FBXO31: variants seen among roughly 807,000 people sequenced by gnomAD.
The protein encoded by FBXO31 is F-box only protein 31.
Under a neutral mutation model 54.4 loss-of-function variants are expected in FBXO31, and 24 were observed. The observed-to-expected ratio is 0.44, with a 90% CI of 0.32 to 0.62. The LOEUF (loss-of-function observed/expected upper bound fraction) is 0.62, where lower values mean the gene tolerates loss of function less well. Among genes scored for constraint, FBXO31 ranks in the 20% least tolerant of loss-of-function variants. The pLI, the probability that FBXO31 is intolerant of heterozygous loss-of-function variation, is 0.05. For synonymous variants in FBXO31, 388 were observed against 335.6 expected (o/e 1.16, Z -1.71); for missense variants, 665 against 787.1 (o/e 0.84, Z 1.86).
At chr16:87,351,737 C>G (rs1365584591) in intron 2 of FBXO31, among the ~76,000 whole-genome samples, 2 of 152,154 alleles carry the variant, frequency 1.3e-5, no homozygotes, top group African/African-American at 4.8e-5. Flanking sequence ...GACATCGTGG[C>G]GTACGCCTAT....
chr16:87,347,389 C>T (rs1473926405), intron 2 of FBXO31, 139 bp from the exon 3 acceptor site: 2 of 735,172 alleles, frequency 2.7e-6, no homozygotes, highest in East Asian at 2.6e-5. Flanking sequence ...GCACACCAAG[C>T]CTCTAAAGAT....
chr16:87,361,474 G>C (rs190779976), intron 1 of FBXO31, among the ~76,000 whole-genome samples: 1 of 152,170 alleles, frequency 6.6e-6, no homozygotes, highest in East Asian at 1.9e-4. Flanking sequence ...CTGTGCAGGC[G>C]TGAGAGCCTG....
intron 8 of FBXO31, among the ~76,000 whole-genome samples, chr16:87,332,569 T>TA (rs1834326588): frequency 6.6e-6 from 1 of 152,076 alleles, no homozygotes; most frequent in Admixed American, 6.5e-5. Context: ...CCTCTCTCTG[T>TA]AAACCCCCCA....
At chr16:87,377,512 CAA>C (rs1459865687) in intron 1 of FBXO31, among the ~76,000 whole-genome samples, 1 of 152,066 alleles carries the variant, frequency 6.6e-6, no homozygotes, top group African/African-American at 2.4e-5. Context: ...TGACTATAGA[CAA>C]TGAGAAAATG....
At chr16:87,364,868 A>C (rs188764543) in intron 1 of FBXO31, among the ~76,000 whole-genome samples, 1 of 150,774 alleles carries the variant, frequency 6.6e-6, no homozygotes, top group Admixed American at 6.6e-5. Flanking sequence ...CAAAGAATAC[A>C]ATAATTAGCC....
chr16:87,369,238 C>T (rs890126699), intron 1 of FBXO31, among the ~76,000 whole-genome samples: 3 of 152,024 alleles, frequency 2.0e-5, no homozygotes, highest in Non-Finnish European at 2.9e-5. Context: ...GTACGGCTCA[C>T]GGGGACTCAG....
At chr16:87,361,119 A>G (rs1906113678) in intron 1 of FBXO31, among the ~76,000 whole-genome samples, 1 of 152,204 alleles carries the variant, frequency 6.6e-6, no homozygotes, top group African/African-American at 2.4e-5. Context: ...ACAACTACAG[A>G]ACTGCACATG....
In FBXO31 at chr16:87,358,372, T is replaced by C. The variant is rs1364905806; in HGVS notation, c.412+1923A>G. The C allele has an allele frequency of 6.5e-6, 1 of 152,680 alleles. No individual in the cohort carries two copies. The highest frequency in any genetic ancestry group is 2.4e-5 in the African/African-American group (1 of 41,466). The allele number at this position is 152,680 out of a possible 1,614,324, so 9.5% of individuals were successfully genotyped here. A position where few individuals can be genotyped will look rare whatever the true frequency, so the allele number is the denominator to read the frequency against. On this transcript the variant is annotated intron_variant, in intron 2 of 8. Coordinates refer to ENST00000311635, the MANE Select transcript of FBXO31 (RefSeq NM_024735.5). This position sits in a 1 kb window ranked among gnomAD's most constrained non-coding sequence, Gnocchi z 4.0. ...CTCCCCATGCAGTTCTTGGCCGTGC[T>C]GGCTGCCGCAGAAGCCAAAGCTCGC...
upstream of FBXO31, among the ~76,000 whole-genome samples, chr16:87,390,264 G>A (rs1383885527): frequency 6.6e-6 from 1 of 152,086 alleles, no homozygotes; most frequent in Non-Finnish European, 1.5e-5. Flanking sequence ...CTGGGCAACA[G>A]TGCAAGGCTC....
intron 1 of FBXO31, among the ~76,000 whole-genome samples, chr16:87,380,864 T>C (rs752958798): frequency 6.6e-6 from 1 of 152,364 alleles, no homozygotes. Context: ...TTAGTAATTC[T>C]AAGAATTTAT....
At position 87,346,860 on chromosome 16, in the gene FBXO31, C is replaced by T. The variant is rs928306448; in HGVS notation, c.489+314G>A. Among the ~76,000 whole-genome samples, 6 of 152,298 alleles carry T rather than the reference C, an allele frequency of 3.9e-5. No homozygotes were observed. The highest frequency in any genetic ancestry group is 2.1e-4 in the South Asian group (1 of 4,822). On this transcript the variant is annotated intron_variant, in intron 3 of 8. Transcript: ENST00000311635. The surrounding 1 kb of genome is among the most constrained non-coding windows in gnomAD (Gnocchi z 4.2). ...AGGAACGGAAGGACCTGGCTGAGGG[C>T]GGGCTCCAGACCCCGCCAACATGTG...
intron 5 of FBXO31, among the ~76,000 whole-genome samples, chr16:87,340,293 A>G (rs940719134): frequency 6.6e-6 from 1 of 152,256 alleles, no homozygotes; most frequent in Non-Finnish European, 1.5e-5. Flanking sequence ...TCTCAAAAAC[A>G]AACAAAAACT....
chr16:87,360,698 C>T (rs1906093653), intron 1 of FBXO31, among the ~76,000 whole-genome samples: 2 of 152,250 alleles, frequency 1.3e-5, no homozygotes, highest in Admixed American at 1.3e-4. Flanking sequence ...ATTCAGTTGT[C>T]TGGACACAGT....
intron 5 of FBXO31, among the ~76,000 whole-genome samples, chr16:87,341,604 C>T (rs1230842018): frequency 1.5e-5 from 2 of 131,172 alleles, no homozygotes; most frequent in African/African-American, 5.6e-5. Context: ...TGCAGTGAGC[C>T]AAGATCACGT....
At chr16:87,331,672 TG>T (rs1451009214) in intron 8 of FBXO31, among the ~76,000 whole-genome samples, 162 bp from the exon 9 acceptor site, 10 of 152,162 alleles carry the variant, frequency 6.6e-5, no homozygotes, top group Non-Finnish European at 1.2e-4. Flanking sequence ...CAGGGGCAGC[TG>T]GGGGTGTGGG....
At chr16:87,368,949 GCCA>G (rs1320357801) in intron 1 of FBXO31, among the ~76,000 whole-genome samples, 1 of 151,956 alleles carries the variant, frequency 6.6e-6, no homozygotes, top group Non-Finnish European at 1.5e-5. Flanking sequence ...ACACGTGCCC[GCCA>G]CCACACCTGG....
intron 2 of FBXO31, among the ~76,000 whole-genome samples, chr16:87,356,947 TAATAAA>T (rs896854704): frequency 6.6e-6 from 1 of 152,060 alleles, no homozygotes; most frequent in African/African-American, 2.4e-5. Flanking sequence ...CACTCTGAGC[TAATAAA>T]AAGTGGAAAC....
intron 1 of FBXO31, among the ~76,000 whole-genome samples, chr16:87,382,917 T>G (rs533839804): frequency 1.3e-5 from 2 of 152,252 alleles, no homozygotes; most frequent in African/African-American, 4.8e-5. Flanking sequence ...ATTACAGGCG[T>G]GAAACCGCGC....
chr16:87,360,373 C>G lies in FBXO31; in HGVS notation c.341-7G>C, dbSNP rs1445059337. On this transcript the variant is annotated splice_region_variant and splice_polypyrimidine_tract_variant and intron_variant, in intron 1 of 8. Coordinates refer to ENST00000311635, the MANE Select transcript of FBXO31 (RefSeq NM_024735.5). ...TTTTCGCAAACACCATACTCTGTAA[C>G]AAGAAACATTTGCAGAAATTTAAGA... 1.2e-6 allele frequency: 2 copies of G among 1,613,774 alleles called. No homozygotes were observed. The highest frequency in any genetic ancestry group is 1.7e-6 in the Non-Finnish European group (2 of 1,179,832).
Sources: allele counts gnomAD v4.1 joint callset (sites outside exome capture counted in the v4.1 genomes callset), GRCh38; gene constraint gnomAD v4.1.1; non-coding constraint Gnocchi (gnomAD v3.1); transcripts MANE v1.5; gene names NCBI Gene and HGNC (gene_info 2026-07-23, HGNC 2026-07-21).